Variants in XPO7 observed in about 807,000 individuals in gnomAD.
XPO7 encodes exportin-7.
XPO7 carries 21 observed loss-of-function variants against 144.3 expected under a neutral mutation model. That is an observed-to-expected ratio of 0.15 (90% CI 0.10 to 0.21). The LOEUF (loss-of-function observed/expected upper bound fraction) is 0.21, where lower values mean the gene tolerates loss of function less well. Among genes scored for constraint, XPO7 ranks in the 10% least tolerant of loss-of-function variants. XPO7 has a pLI of 1.00. For missense variants in XPO7, 808 were observed against 1,325.8 expected (o/e 0.61, Z 6.06); for synonymous variants, 580 against 499.6 (o/e 1.16, Z -2.15).
intron 1 of XPO7, among the ~76,000 whole-genome samples, chr8:21,941,569 A>G (rs1002354942): frequency 1.3e-5 from 2 of 152,242 alleles, no homozygotes; most frequent in African/African-American, 4.8e-5. Flanking sequence ...CAGTGTATAC[A>G]TGTTCAGTAC....
At chr8:21,920,491 G>T (rs781742987) in intron 1 of XPO7, among the ~76,000 whole-genome samples, 1 of 151,862 alleles carries the variant, frequency 6.6e-6, no homozygotes, top group Non-Finnish European at 1.5e-5. Flanking sequence ...ACGGGGTGGA[G>T]GGGGGTGTGT....
chr8:21,986,503 T>C (rs1390688499), intron 13 of XPO7, among the ~76,000 whole-genome samples: 2 of 152,146 alleles, frequency 1.3e-5, no homozygotes, highest in African/African-American at 4.8e-5. Flanking sequence ...TCCACCCCCA[T>C]TTTGTTTATC....
intron 18 of XPO7, 47 bp downstream of exon 18, chr8:21,990,966 C>G (rs906655269): frequency 1.9e-6 from 3 of 1,553,908 alleles, no homozygotes; most frequent in Admixed American, 1.8e-5. Context: ...TGGCACTCTT[C>G]TAAATTTTTA....
chr8:22,004,821 A>T (rs1813269215), intron 27 of XPO7, among the ~76,000 whole-genome samples, 174 bp from the exon 28 acceptor site: 1 of 151,924 alleles, frequency 6.6e-6, no homozygotes, highest in South Asian at 2.1e-4. Context: ...AGATTTGACC[A>T]GATCTCTAAG....
At chr8:21,957,607 G>A (rs1585439887) in intron 1 of XPO7, among the ~76,000 whole-genome samples, 2 of 152,266 alleles carry the variant, frequency 1.3e-5, no homozygotes, top group East Asian at 1.9e-4. Flanking sequence ...TGTTGTGTTA[G>A]TTGGGTTTGG....
rs191965646 is a variant in XPO7 at position 21,936,884 on chromosome 8, T to C, written c.18+17096T>C. 3.3e-5 allele frequency among the ~76,000 whole-genome samples: 5 copies of C among 152,262 alleles called. No individual in the cohort carries two copies. In the East Asian group the frequency reaches 9.6e-4, roughly 29 times the overall value. Reference sequence around the variant, plus strand: ...AATATTTACTTCATATAGGGTGGTTTTGCGGGTGAAATGAGAGTTGAGGGG... The same window carrying C: ...AATATTTACTTCATATAGGGTGGTTCTGCGGGTGAAATGAGAGTTGAGGGG... On this transcript the variant is annotated intron_variant, in intron 1 of 27. Transcript: ENST00000252512.
intron 1 of XPO7, among the ~76,000 whole-genome samples, chr8:21,929,891 ATAT>A (rs1482662651): frequency 6.6e-6 from 1 of 152,180 alleles, no homozygotes; most frequent in African/African-American, 2.4e-5. Context: ...TTTGGCAAAA[ATAT>A]TATGTAATTA....
chr8:21,999,345 C>T, intron 23 of XPO7, 40 bp downstream of exon 23: 1 of 1,606,854 alleles, frequency 6.2e-7, no homozygotes, highest in Non-Finnish European at 8.5e-7. Context: ...TGTTCCTCAT[C>T]ACATTCAGCC....
intron 1 of XPO7, among the ~76,000 whole-genome samples, chr8:21,951,090 T>TTTAATTAA (rs200902908): frequency 4.0e-5 from 6 of 151,788 alleles, no homozygotes; most frequent in South Asian, 2.1e-4. Flanking sequence ...AGCGAGTAAA[T>TTTAATTAA]TTAATTAATT....
intron 1 of XPO7, among the ~76,000 whole-genome samples, chr8:21,931,286 C>T (rs1810640273): frequency 2.6e-5 from 4 of 152,068 alleles, no homozygotes; most frequent in Admixed American, 2.0e-4. Context: ...CCTCAGCCTC[C>T]CAAGTAGCTG....
At chr8:22,004,229 A>G (rs1316876519) in intron 27 of XPO7, among the ~76,000 whole-genome samples, 199 bp downstream of exon 27, 1 of 152,212 alleles carries the variant, frequency 6.6e-6, no homozygotes, top group Non-Finnish European at 1.5e-5. Context: ...TGTATCTAAA[A>G]TATTGTATCA....
intron 5 of XPO7, among the ~76,000 whole-genome samples, chr8:21,972,700 A>G (rs1585455569): frequency 6.6e-6 from 1 of 152,230 alleles, no homozygotes; most frequent in South Asian, 2.1e-4. Context: ...ATTTGTGATT[A>G]TAGAACAGGC....
intron 1 of XPO7, among the ~76,000 whole-genome samples, chr8:21,921,246 A>G (rs1174120208): frequency 6.6e-6 from 1 of 152,234 alleles, no homozygotes; most frequent in Non-Finnish European, 1.5e-5. Flanking sequence ...CTTGGATCTT[A>G]CAAGACTCAG....
intron 1 of XPO7, among the ~76,000 whole-genome samples, chr8:21,925,602 A>C (rs894279655): frequency 6.6e-6 from 1 of 152,306 alleles, no homozygotes; most frequent in Middle Eastern, 3.4e-3. Context: ...GGGGGATACC[A>C]GTATTAACTG....
chr8:21,946,582 AAAAC>A (rs1454912453), intron 1 of XPO7, among the ~76,000 whole-genome samples: 1 of 101,996 alleles, frequency 9.8e-6, no homozygotes, highest in Non-Finnish European at 2.0e-5. Context: ...CTGAAAAAAA[AAAAC>A]AAAAAAAAAA....
chr8:21,927,668 C>T (rs1043663228), intron 1 of XPO7, among the ~76,000 whole-genome samples: 9 of 151,874 alleles, frequency 5.9e-5, no homozygotes. Context: ...GCCTCAGCCT[C>T]CCAAGTAGCT....
chr8:21,940,657 T>C (rs1055151020), intron 1 of XPO7, among the ~76,000 whole-genome samples: 5 of 152,000 alleles, frequency 3.3e-5, no homozygotes, highest in Non-Finnish European at 7.4e-5. Context: ...TTAGTAGAGA[T>C]GGGGTTTCTC....
intron 1 of XPO7, among the ~76,000 whole-genome samples, chr8:21,937,118 C>T (rs1256328125): frequency 6.6e-6 from 1 of 152,094 alleles, no homozygotes; most frequent in Non-Finnish European, 1.5e-5. Context: ...TTCAAAACTG[C>T]TTATCTTGTG....
At chr8:21,992,800 C>T (rs932380411) in intron 19 of XPO7, among the ~76,000 whole-genome samples, 1 of 152,176 alleles carries the variant, frequency 6.6e-6, no homozygotes, top group Non-Finnish European at 1.5e-5. Flanking sequence ...CATCTTTTTA[C>T]TTCATACATA....
Sources: allele counts gnomAD v4.1 joint callset (sites outside exome capture counted in the v4.1 genomes callset), GRCh38; gene constraint gnomAD v4.1.1; transcripts MANE v1.5; gene names NCBI Gene and HGNC (gene_info 2026-07-23, HGNC 2026-07-21).